The following BFAR variants were observed in gnomAD, a reference collection of about 807,000 sequenced individuals.
BFAR encodes the protein RING finger protein 47.
In BFAR, 52 loss-of-function variants were observed where a neutral mutation model predicts 54.4. That is an observed-to-expected ratio of 0.96 (90% CI 0.77 to 1.21). BFAR has a LOEUF of 1.21. BFAR is among the 50% of genes most tolerant of loss of function. BFAR has a pLI of 0.00. For missense variants in BFAR, 571 were observed against 534.0 expected, an observed-to-expected ratio of 1.07 and a Z score of -0.68; for synonymous variants, 215 against 204.3, an observed-to-expected ratio of 1.05 and a Z score of -0.45.
rs948137221 is a variant in BFAR, at chr16:14,644,548, A to G, written c.202A>G (p.Thr68Ala). The G allele has an allele frequency of 2.1e-5, 34 of 1,614,004 alleles. No homozygotes were observed. The highest frequency in any genetic ancestry group is 2.9e-5 in the Non-Finnish European group (34 of 1,179,998). Residue 68 changes from threonine to alanine, a missense_variant, in exon 2 of 8, where the codon ACA (threonine) becomes GCA (alanine). By Grantham distance (58) the Thr-to-Ala change is moderately conservative. Coordinates refer to ENST00000261658, the MANE Select transcript of BFAR (RefSeq NM_016561.3). ...TTTATGGTGGGCATCTTCAAAGAAA[A>G]CAGAATGTCCAGAATGCAGAGAAAA... ...LALWWASSKK[T>A]ECPECREKWE...
chr16:14,652,469 T>G (rs1038085189), intron 4 of BFAR, among the ~76,000 whole-genome samples: 2 of 151,744 alleles, frequency 1.3e-5, no homozygotes, highest in South Asian at 4.2e-4. Flanking sequence ...TTAGTAGAGA[T>G]GGGGTTTCGC....
At chr16:14,661,762 GTTCA>G in intron 5 of BFAR, 126 bp from the exon 6 acceptor site, 3 of 1,006,020 alleles carry the variant, frequency 3.0e-6, no homozygotes, top group Admixed American at 2.2e-5. Flanking sequence ...TCTTCTTGCC[GTTCA>G]TTCATTCATG....
chr16:14,664,697 A>G (rs1012288462), intron 6 of BFAR, among the ~76,000 whole-genome samples, 172 bp from the exon 7 acceptor site: 1 of 152,062 alleles, frequency 6.6e-6, no homozygotes, highest in Non-Finnish European at 1.5e-5. Flanking sequence ...ATGGGGTTTC[A>G]CCATGTTGGC....
At chr16:14,638,217 T>C (rs978750873) in intron 1 of BFAR, among the ~76,000 whole-genome samples, 4 of 152,128 alleles carry the variant, frequency 2.6e-5, no homozygotes, top group African/African-American at 9.7e-5. Context: ...ACCCTGTCTA[T>C]ACAAAAAAAA....
At chr16:14,660,941 GC>G (rs892974344) in intron 5 of BFAR, among the ~76,000 whole-genome samples, 1 of 152,002 alleles carries the variant, frequency 6.6e-6, no homozygotes, top group Non-Finnish European at 1.5e-5. Flanking sequence ...TTGCTTTGTT[GC>G]TCAGGCTGGT....
rs187075034 is a variant in BFAR at position 14,659,700 on chromosome 16, G to A, written c.784-2192G>A. Among the ~76,000 whole-genome samples, 393 of 151,466 alleles carry A rather than the reference G, an allele frequency of 2.6e-3. 2 individuals are homozygous for A. Among genetic ancestry groups the A allele is most frequent in the Middle Eastern group, 0.01 (3 of 292 alleles). ...CCAGTAGCTGGGACTACAGGCACCC[G>A]CCACCATGCCCGGCTAATTTTTTGT... On this transcript the variant is annotated intron_variant, in intron 5 of 7. Coordinates refer to ENST00000261658, the MANE Select transcript of BFAR (RefSeq NM_016561.3).
chr16:14,666,670 G>A (rs56241312), intron 7 of BFAR, among the ~76,000 whole-genome samples: 2,327 of 152,212 alleles, frequency 0.015, 20 homozygotes, highest in Non-Finnish European at 0.025. Context: ...ATTCTGACTC[G>A]CAGCCTTATG....
At chr16:14,659,251 GT>G (rs1032626605) in intron 5 of BFAR, among the ~76,000 whole-genome samples, 2 of 140,622 alleles carry the variant, frequency 1.4e-5, no homozygotes, top group African/African-American at 2.6e-5. Flanking sequence ...TTTGTTTTTT[GT>G]TTTTTTTTGA....
In BFAR at chr16:14,659,224, G is replaced by GT. The variant is rs759464553; in HGVS notation, c.784-2668_784-2667insT. Reference sequence around the variant, plus strand: ...ATGCCCAGCCTGTAGTATGCAATTTGGTTTTTTTTGTTTTTTTTTGTTTTT... The same window carrying GT: ...ATGCCCAGCCTGTAGTATGCAATTTGTGTTTTTTTTGTTTTTTTTTGTTTTT... On this transcript the variant is annotated intron_variant, in intron 5 of 7. Coordinates refer to ENST00000261658, the MANE Select transcript of BFAR (RefSeq NM_016561.3). 9.0e-3 allele frequency among the ~76,000 whole-genome samples: 1,253 copies of GT among 139,644 alleles called. 20 individuals carry two copies. Among genetic ancestry groups the GT allele is most frequent in the African/African-American group, 0.03 (1,168 of 38,436 alleles). The allele number at this position is 139,644 out of a possible 152,430, so 91.6% of individuals were successfully genotyped here. A position where few individuals can be genotyped will look rare whatever the true frequency, so the allele number is the denominator to read the frequency against.
chr16:14,649,875 C>G lies in BFAR; in HGVS notation c.540C>G (p.Ala180=). The G allele has an allele frequency of 6.2e-7, 1 of 1,613,414 alleles. No individual in the cohort carries two copies. Among genetic ancestry groups the G allele is most frequent in the Non-Finnish European group, 8.5e-7 (1 of 1,179,666 alleles). ...EHDLLVHKAV[A]KWTAEEVVLW... ...ACCTCCTGGTCCACAAGGCTGTGGC[C>G]AAATGGACGGCGGAAGAAGTTGTCC... is the stretch of plus-strand genomic sequence containing the variant. The change falls in exon 4 of 8, where the codon GCC becomes GCG. Residue 180 remains alanine, a synonymous_variant. Transcript: ENST00000261658.
At chr16:14,648,889 C>A (rs1054457087) in intron 3 of BFAR, among the ~76,000 whole-genome samples, 4 of 151,998 alleles carry the variant, frequency 2.6e-5, no homozygotes, top group Non-Finnish European at 4.4e-5. Context: ...GAGACGGACT[C>A]TTGCTCTGTC....
chr16:14,648,292 T>C, intron 2 of BFAR, 96 bp from the exon 3 acceptor site: 2 of 913,642 alleles, frequency 2.2e-6, no homozygotes, highest in Admixed American at 2.3e-5. Context: ...AGGGTAGCTA[T>C]ATATTATTAG....
Position 14,665,028 on chromosome 16 carries a change from G to C in BFAR, c.1117G>C (p.Glu373Gln), listed in dbSNP as rs765829732. The change falls in exon 7 of 8, where the codon GAA (glutamate) becomes CAA (glutamine). Residue 373 changes from glutamate to glutamine, a missense_variant. Glu to Gln is a conservative substitution (Grantham distance 29). Coordinates refer to ENST00000261658, the MANE Select transcript of BFAR (RefSeq NM_016561.3). The stretch of plus-strand genomic sequence containing the variant: ...CAATGCTATGTTACTCTCAGTTCTG[G>C]AATTATTCTCCTTTTGGAGAATCTG... ...IINAMLLSVLELFSFWRIWSR... is the reference protein window; with the variant it reads ...IINAMLLSVLQLFSFWRIWSR... The C allele has an allele frequency of 1.9e-6, 3 of 1,614,104 alleles. No homozygotes were observed. Among genetic ancestry groups the C allele is most frequent in the Non-Finnish European group, 2.5e-6 (3 of 1,179,980 alleles).
intron 6 of BFAR, among the ~76,000 whole-genome samples, chr16:14,664,459 A>T (rs973988026): frequency 6.7e-6 from 1 of 149,022 alleles, no homozygotes; most frequent in Non-Finnish European, 1.5e-5. Context: ...AGATTGTTGG[A>T]TGTGTGTGTG....
intron 6 of BFAR, among the ~76,000 whole-genome samples, chr16:14,663,224 C>T (rs1049207731): frequency 6.6e-6 from 1 of 152,152 alleles, no homozygotes; most frequent in Non-Finnish European, 1.5e-5. Context: ...TCCTCCCTTA[C>T]TCCCACCTTG....
rs1268389296 is a variant in BFAR, at chr16:14,667,834, C to T, written c.*7C>T. The stretch of plus-strand genomic sequence containing the variant: ...GGAAACCCAGGTGTTGTGACTGGCA[C>T]TGCCCAGGCTGAGACTCTTCAAGTC... On this transcript the variant is annotated 3_prime_UTR_variant, in exon 8 of 8. Transcript: ENST00000261658. 4 of 1,612,780 alleles carry T rather than the reference C, an allele frequency of 2.5e-6. No individual in the cohort carries two copies. Among genetic ancestry groups the T allele is most frequent in the Non-Finnish European group, 3.4e-6 (4 of 1,178,822 alleles).
intron 1 of BFAR, among the ~76,000 whole-genome samples, chr16:14,635,984 T>G (rs1959423536): frequency 6.6e-6 from 1 of 152,324 alleles, no homozygotes; most frequent in South Asian, 2.1e-4. Flanking sequence ...TGTTTGCGGT[T>G]CCTGAACCTT....
intron 2 of BFAR, among the ~76,000 whole-genome samples, chr16:14,648,012 G>C (rs977630107): frequency 2.6e-5 from 4 of 152,068 alleles, no homozygotes; most frequent in Non-Finnish European, 4.4e-5. Flanking sequence ...GGCCCCGGTG[G>C]GCAGATTGCC....
intron 6 of BFAR, 59 bp from the exon 7 acceptor site, chr16:14,664,810 A>C (rs1480843125): frequency 6.6e-7 from 1 of 1,517,118 alleles, no homozygotes; most frequent in Non-Finnish European, 9.1e-7. Context: ...TGATCATCAC[A>C]ATATTTTGTG....
Sources: allele counts gnomAD v4.1 joint callset (sites outside exome capture counted in the v4.1 genomes callset), GRCh38; gene constraint gnomAD v4.1.1; transcripts MANE v1.5; gene names NCBI Gene and HGNC (gene_info 2026-07-23, HGNC 2026-07-21).